Variants in FHOD3 observed in about 807,000 individuals in gnomAD.
FHOD3 encodes formin homology 2 domain containing 3.
A neutral mutation model predicts 173.0 loss-of-function variants in FHOD3; 90 were observed. The observed-to-expected ratio is 0.52, with a 90% CI of 0.44 to 0.62. FHOD3 has a LOEUF of 0.62. FHOD3 is among the 20% of genes least tolerant of loss of function. The pLI, the probability that FHOD3 is intolerant of heterozygous loss-of-function variation, is 0.00. For missense variants in FHOD3, 1,945 were observed against 2,034.7 expected (o/e 0.96, Z 0.85); for synonymous variants, 828 against 823.0 (o/e 1.01, Z -0.10).
intron 3 of FHOD3, among the ~76,000 whole-genome samples, chr18:36,378,074 A>G (rs776899597): frequency 7.3e-5 from 11 of 151,552 alleles, no homozygotes; most frequent in Non-Finnish European, 1.3e-4. Context: ...CACACTTCCT[A>G]TTTTCTGTTC....
intron 17 of FHOD3, among the ~76,000 whole-genome samples, chr18:36,698,136 A>G (rs536482666): frequency 3.9e-5 from 6 of 152,304 alleles, no homozygotes; most frequent in South Asian, 2.1e-4. Flanking sequence ...TTGTGGTTCT[A>G]TGACTCAGGG....
intron 3 of FHOD3, among the ~76,000 whole-genome samples, chr18:36,374,794 G>C (rs2047358220): frequency 6.6e-6 from 1 of 152,178 alleles, no homozygotes; most frequent in Admixed American, 6.5e-5. Context: ...GGCATGTTTT[G>C]CCACAATAGC....
chr18:36,682,505 A>G (rs1386612275), intron 15 of FHOD3, among the ~76,000 whole-genome samples: 1 of 152,120 alleles, frequency 6.6e-6, no homozygotes, highest in African/African-American at 2.4e-5. Flanking sequence ...ATTCCCATCA[A>G]TTATTCCCCA....
chr18:36,717,756 C>T (rs1320917380), intron 18 of FHOD3, 76 bp from the exon 19 acceptor site: 6 of 1,507,880 alleles, frequency 4.0e-6, no homozygotes, highest in Non-Finnish European at 8.9e-7. Flanking sequence ...GTCAGGCTCA[C>T]TTATTCTCAT....
At chr18:36,750,543 C>T (rs566667299) in intron 24 of FHOD3, among the ~76,000 whole-genome samples, 15 of 152,232 alleles carry the variant, frequency 9.9e-5, no homozygotes, top group Middle Eastern at 3.4e-3. Flanking sequence ...TGGTAAATTT[C>T]GCTGTGATTG....
At chr18:36,517,698 A>C (rs1032048511) in intron 5 of FHOD3, among the ~76,000 whole-genome samples, 1 of 152,246 alleles carries the variant, frequency 6.6e-6, no homozygotes, top group African/African-American at 2.4e-5. Context: ...CTTAAAACGC[A>C]TTTAACTCAA....
intron 3 of FHOD3, among the ~76,000 whole-genome samples, chr18:36,490,999 A>G (rs1032313612): frequency 1.1e-4 from 16 of 152,194 alleles, no homozygotes; most frequent in African/African-American, 3.1e-4. Context: ...CAGCATGAAC[A>G]CCAGGCACCT....
intron 16 of FHOD3, among the ~76,000 whole-genome samples, chr18:36,692,329 T>C (rs1264746717): frequency 6.6e-6 from 1 of 152,236 alleles, no homozygotes; most frequent in African/African-American, 2.4e-5. Context: ...GAGTAAGCTG[T>C]TCCAAAGTTT....
intron 8 of FHOD3, among the ~76,000 whole-genome samples, chr18:36,604,668 G>A (rs572687707): frequency 6.6e-6 from 1 of 152,290 alleles, no homozygotes; most frequent in Non-Finnish European, 1.5e-5. Flanking sequence ...AAAAAAGAGA[G>A]AGAGAGATGA....
chr18:36,710,967 C>T (rs1426493550), intron 18 of FHOD3: 2 of 152,138 alleles, frequency 1.3e-5, no homozygotes, highest in Non-Finnish European at 1.5e-5. Flanking sequence ...ATATACCAGG[C>T]GACAGGGCTT....
intron 3 of FHOD3, among the ~76,000 whole-genome samples, chr18:36,387,558 A>G (rs969657414): frequency 1.3e-5 from 2 of 152,198 alleles, no homozygotes; most frequent in African/African-American, 4.8e-5. Flanking sequence ...TATTATGTTA[A>G]GTGCTGTAAA....
chr18:36,769,151 C>A, intron 27 of FHOD3, 114 bp from the exon 28 acceptor site: 4 of 1,257,440 alleles, frequency 3.2e-6, no homozygotes, highest in Middle Eastern at 2.0e-4. Flanking sequence ...TTAACTCTGG[C>A]CTTCCCTGTG....
chr18:36,334,932 A>G (rs913406268), intron 1 of FHOD3, among the ~76,000 whole-genome samples: 1 of 152,164 alleles, frequency 6.6e-6, no homozygotes, highest in Non-Finnish European at 1.5e-5. Context: ...GGTGTTCTGA[A>G]GTGCTCCAGG....
chr18:36,544,761 A>T (rs2057352227), intron 5 of FHOD3: 2 of 152,352 alleles, frequency 1.3e-5, no homozygotes, highest in Non-Finnish European at 2.9e-5. Flanking sequence ...CTGCTCAGGG[A>T]CATCTCCTCC....
intron 17 of FHOD3, among the ~76,000 whole-genome samples, chr18:36,705,890 G>A (rs1411324320): frequency 3.3e-5 from 5 of 151,622 alleles, no homozygotes; most frequent in Admixed American, 6.6e-5. Flanking sequence ...TAAATGAGAC[G>A]TTTTCCTGCA....
At chr18:36,563,029 G>C (rs564259575) in intron 5 of FHOD3, among the ~76,000 whole-genome samples, 1 of 152,266 alleles carries the variant, frequency 6.6e-6, no homozygotes, top group East Asian at 1.9e-4. Flanking sequence ...CCTTTGCATG[G>C]GCTCAGCAAC....
At chr18:36,765,081 A>G (rs1332780135) in intron 27 of FHOD3, among the ~76,000 whole-genome samples, 5 of 152,174 alleles carry the variant, frequency 3.3e-5, no homozygotes, top group African/African-American at 1.2e-4. Context: ...TAAAATGCAG[A>G]TGATTTTCTC....
chr18:36,319,701 A>G (rs1282779808), intron 1 of FHOD3, among the ~76,000 whole-genome samples: 4 of 152,182 alleles, frequency 2.6e-5, no homozygotes, highest in Admixed American at 6.5e-5. Flanking sequence ...TCAGCACCAC[A>G]TCGCACTTAT....
intron 25 of FHOD3, among the ~76,000 whole-genome samples, chr18:36,757,156 A>G (rs893474047): frequency 1.3e-5 from 2 of 152,228 alleles, no homozygotes; most frequent in Non-Finnish European, 2.9e-5. Context: ...TGGCTTTCCC[A>G]ATCATAAACA....
Sources: allele counts gnomAD v4.1 joint callset (sites outside exome capture counted in the v4.1 genomes callset), GRCh38; gene constraint gnomAD v4.1.1; transcripts MANE v1.5; gene names NCBI Gene and HGNC (gene_info 2026-07-23, HGNC 2026-07-21).